The following SCAPER variants were observed in gnomAD, a reference collection of about 807,000 sequenced individuals.
The protein encoded by SCAPER is S phase cyclin A-associated protein in the endoplasmic reticulum.
SCAPER carries 98 observed loss-of-function variants against 182.2 expected under a neutral mutation model. That is an observed-to-expected ratio of 0.54 (90% CI 0.46 to 0.64). The LOEUF (loss-of-function observed/expected upper bound fraction) is 0.64, where lower values mean the gene tolerates loss of function less well. SCAPER is among the 30% of genes least tolerant of loss of function. SCAPER has a pLI of 0.00. For synonymous variants in SCAPER, 605 were observed against 564.6 expected (o/e 1.07, Z -1.01); for missense variants, 1,432 against 1,690.0 (o/e 0.85, Z 2.68).
intron 15 of SCAPER, among the ~76,000 whole-genome samples, chr15:76,746,737 T>A (rs1021506450): frequency 6.6e-6 from 1 of 152,042 alleles, no homozygotes; most frequent in Non-Finnish European, 1.5e-5. Context: ...CAATGAATAA[T>A]CAAAAATGAA....
chr15:76,901,528 C>T (rs1282757521), intron 1 of SCAPER, among the ~76,000 whole-genome samples: 1 of 152,116 alleles, frequency 6.6e-6, no homozygotes, highest in Non-Finnish European at 1.5e-5. Flanking sequence ...AATAATATTG[C>T]TCATGTATAA....
chr15:76,688,507 G>T (rs972567581), intron 20 of SCAPER, among the ~76,000 whole-genome samples: 2 of 152,048 alleles, frequency 1.3e-5, no homozygotes, highest in Non-Finnish European at 2.9e-5. Context: ...TGAATTCTTT[G>T]CCCATGCCTA....
chr15:76,689,967 A>AAG (rs1555534692), intron 20 of SCAPER, among the ~76,000 whole-genome samples: 2 of 151,126 alleles, frequency 1.3e-5, no homozygotes, highest in Non-Finnish European at 3.0e-5. Context: ...ATGAATAAAT[A>AAG]AATATGGGCA....
At chr15:76,742,501 A>G (rs991757592) in intron 15 of SCAPER, among the ~76,000 whole-genome samples, 3 of 150,728 alleles carry the variant, frequency 2.0e-5, no homozygotes, top group African/African-American at 7.3e-5. Context: ...AAAAGAATAA[A>G]AATAAACAGC....
At chr15:76,629,267 C>T (rs772824267) in intron 21 of SCAPER, among the ~76,000 whole-genome samples, 13 of 152,178 alleles carry the variant, frequency 8.5e-5, no homozygotes, top group East Asian at 1.9e-4. Flanking sequence ...TCTTGCCTGA[C>T]GGCCCTGGCC....
intron 23 of SCAPER, among the ~76,000 whole-genome samples, chr15:76,525,041 A>G (rs914325839): frequency 6.6e-6 from 1 of 152,170 alleles, no homozygotes. Context: ...TATTTTAATT[A>G]GTCACTGTTA....
chr15:76,711,016 A>C (rs945560647), intron 17 of SCAPER, among the ~76,000 whole-genome samples: 1 of 152,170 alleles, frequency 6.6e-6, no homozygotes, highest in Non-Finnish European at 1.5e-5. Flanking sequence ...TTATAACTAG[A>C]TATCTATATG....
chr15:76,706,617 G>C (rs1000010786), intron 17 of SCAPER, among the ~76,000 whole-genome samples: 1 of 152,102 alleles, frequency 6.6e-6, no homozygotes, highest in East Asian at 1.9e-4. Flanking sequence ...ACTCCCTAGA[G>C]GGTCTGAACA....
chr15:76,537,014 C>T (rs1262145959), intron 23 of SCAPER, among the ~76,000 whole-genome samples: 13 of 152,146 alleles, frequency 8.5e-5, no homozygotes, highest in African/African-American at 2.2e-4. Flanking sequence ...TTACAAGGGA[C>T]GTGAAGGACC....
intron 26 of SCAPER, among the ~76,000 whole-genome samples, chr15:76,431,131 C>CT (rs1567125202): frequency 7.8e-6 from 1 of 128,068 alleles, no homozygotes; most frequent in South Asian, 2.3e-4. Context: ...GTGGAACCCT[C>CT]TTTTTTTCTC....
intron 4 of SCAPER, among the ~76,000 whole-genome samples, chr15:76,852,888 A>C (rs551939888): frequency 6.6e-6 from 1 of 152,350 alleles, no homozygotes; most frequent in East Asian, 1.9e-4. Context: ...TCAAAAGATC[A>C]ATAATCCAGG....
chr15:76,729,027 G>A (rs552230112), intron 16 of SCAPER, among the ~76,000 whole-genome samples: 1 of 151,994 alleles, frequency 6.6e-6, no homozygotes, highest in African/African-American at 2.4e-5. Context: ...AGCTGCCAGC[G>A]AGGCTAGAAT....
chr15:76,891,471 G>A (rs139942881), intron 1 of SCAPER, among the ~76,000 whole-genome samples: 103 of 152,244 alleles, frequency 6.8e-4, no homozygotes, highest in African/African-American at 2.2e-3. Flanking sequence ...CTTCAGTAAC[G>A]TCTCAGGATA....
At chr15:76,545,500 C>T (rs2045198672) in intron 23 of SCAPER, among the ~76,000 whole-genome samples, 1 of 152,174 alleles carries the variant, frequency 6.6e-6, no homozygotes, top group South Asian at 2.1e-4. Context: ...AATATATCAT[C>T]AATTCCACCT....
At chr15:76,605,574 A>C (rs2050312866) in intron 22 of SCAPER, among the ~76,000 whole-genome samples, 1 of 152,084 alleles carries the variant, frequency 6.6e-6, no homozygotes. Context: ...TTTTCTATTG[A>C]TTGCAGTAGT....
At chr15:76,732,639 C>T (rs528780431) in intron 16 of SCAPER, among the ~76,000 whole-genome samples, 1 of 152,220 alleles carries the variant, frequency 6.6e-6, no homozygotes, top group South Asian at 2.1e-4. Flanking sequence ...GAAAGGGACT[C>T]TCCCTTTCCC....
chr15:76,357,767 A>AT (rs2041097756), intron 29 of SCAPER, among the ~76,000 whole-genome samples: 1 of 152,254 alleles, frequency 6.6e-6, no homozygotes, highest in African/African-American at 2.4e-5. Context: ...CTACTCAGCC[A>AT]TAAAAAAAAT....
At chr15:76,855,191 A>G (rs1260657176) in intron 4 of SCAPER, among the ~76,000 whole-genome samples, 2 of 152,192 alleles carry the variant, frequency 1.3e-5, no homozygotes, top group African/African-American at 4.8e-5. Flanking sequence ...CTCTCTATTC[A>G]ACAAATGGTG....
intron 21 of SCAPER, among the ~76,000 whole-genome samples, chr15:76,644,969 C>A (rs943601646): frequency 2.6e-5 from 4 of 151,876 alleles, no homozygotes; most frequent in African/African-American, 9.7e-5. Context: ...GGTTCCGTAT[C>A]CACACAGTCA....
Sources: gnomAD v4.1 joint callset for allele counts (sites outside exome capture counted in the v4.1 genomes callset) on GRCh38, gnomAD v4.1.1 for gene constraint, MANE v1.5 for transcripts, NCBI Gene and HGNC (gene_info 2026-07-23, HGNC 2026-07-21) for gene names.